Variants in PHF20 observed in about 807,000 individuals in gnomAD.
PHF20 encodes glioma-expressed antigen 2.
PHF20 carries 23 observed loss-of-function variants against 113.5 expected under a neutral mutation model. The ratio of observed to expected loss-of-function variants is 0.20; its 90% CI spans 0.15 to 0.29. PHF20 has a LOEUF of 0.29. Among genes scored for constraint, PHF20 ranks in the 10% least tolerant of loss-of-function variants. The probability of loss-of-function intolerance (pLI) is 1.00; values close to 1 mark genes in which losing one functional copy is unlikely to be tolerated. For missense variants in PHF20, 943 were observed against 1,219.6 expected, an observed-to-expected ratio of 0.77 and a Z score of 3.38; for synonymous variants, 434 against 457.3, an observed-to-expected ratio of 0.95 and a Z score of 0.65.
chr20:35,891,619 TAGAG>T (rs1156471540), intron 9 of PHF20, among the ~76,000 whole-genome samples: 2 of 152,148 alleles, frequency 1.3e-5, no homozygotes, highest in Non-Finnish European at 2.9e-5. Context: ...ACATGCCAAA[TAGAG>T]GGAACCACAT....
intron 4 of PHF20, among the ~76,000 whole-genome samples, chr20:35,857,580 T>G (rs939281540): frequency 2.1e-5 from 3 of 143,636 alleles, no homozygotes; most frequent in South Asian, 2.3e-4. Context: ...TTTTTTTTTT[T>G]TTTTTTGTTT....
intron 2 of PHF20, among the ~76,000 whole-genome samples, chr20:35,831,058 A>T (rs535079383): frequency 3.3e-5 from 5 of 152,266 alleles, no homozygotes; most frequent in African/African-American, 1.2e-4. Flanking sequence ...CCCAGCTACT[A>T]TGTGGGAGTG....
intron 13 of PHF20, 32 bp downstream of exon 13, chr20:35,917,694 G>C: frequency 2.5e-6 from 4 of 1,590,222 alleles, no homozygotes. Flanking sequence ...CAGGTCTAGA[G>C]AAGCACAAAC....
At chr20:35,772,439 G>T (rs1290684764) in intron 1 of PHF20, among the ~76,000 whole-genome samples, 1 of 152,194 alleles carries the variant, frequency 6.6e-6, no homozygotes, top group Non-Finnish European at 1.5e-5. Context: ...AGCTGTGTGG[G>T]CACCTAGAGC....
Position 35,871,768 on chromosome 20 carries a change from C to A in PHF20, c.1221C>A (p.Asn407Lys), listed in dbSNP as rs146739886. ...LELNCPSMGE[N>K]TMKTEPTSPL... ...TGAACTGCCCATCAATGGGAGAAAA[C>A]ACGATGAAAACAGAACCGACTTCTC... is the stretch of plus-strand genomic sequence containing the variant. Residue 407 changes from asparagine (N) to lysine (K), a missense_variant, in exon 9 of 18, where the codon AAC becomes AAA. Asn to Lys is a moderately conservative substitution (Grantham distance 94). Transcript: ENST00000374012. 1 of 1,613,466 alleles carries A rather than the reference C, an allele frequency of 6.2e-7. No homozygotes were observed. Among genetic ancestry groups the A allele is most frequent in the Admixed American group, 1.7e-5 (1 of 59,970 alleles).
intron 1 of PHF20, among the ~76,000 whole-genome samples, chr20:35,801,068 T>G (rs1028399411): frequency 3.9e-5 from 6 of 152,204 alleles, no homozygotes; most frequent in Admixed American, 3.9e-4. Context: ...GCTGGCTAAA[T>G]TTTTGTGTTT....
chr20:35,824,587 C>T (rs1193683452), intron 2 of PHF20, among the ~76,000 whole-genome samples: 1 of 149,930 alleles, frequency 6.7e-6, no homozygotes, highest in Non-Finnish European at 1.5e-5. Context: ...AGCCTGGTGA[C>T]AGAGTGAGAC....
At chr20:35,788,034 T>A (rs1001339900) in intron 1 of PHF20, among the ~76,000 whole-genome samples, 2 of 152,182 alleles carry the variant, frequency 1.3e-5, no homozygotes, top group Admixed American at 1.3e-4. Context: ...TGCCTTGGCC[T>A]CCCAAAGTGC....
chr20:35,839,390 C>CAAAA (rs752680212), intron 2 of PHF20, among the ~76,000 whole-genome samples: 34 of 67,642 alleles, frequency 5.0e-4, no homozygotes, highest in Non-Finnish European at 7.4e-4. Flanking sequence ...GATTCCATCT[C>CAAAA]AAAAAAAAAA....
intron 10 of PHF20, among the ~76,000 whole-genome samples, chr20:35,907,339 A>G (rs1017062494): frequency 3.3e-5 from 5 of 152,172 alleles, no homozygotes; most frequent in African/African-American, 1.2e-4. Context: ...CCTGGAGGAA[A>G]GCCTCACCCT....
At position 35,834,510 on chromosome 20, in the gene PHF20, C is replaced by G. The variant is rs1600802532; in HGVS notation, c.84-8063C>G. 2.6e-5 allele frequency among the ~76,000 whole-genome samples: 4 copies of G among 152,208 alleles called. No individual in the cohort carries two copies. In the East Asian group the frequency reaches 7.7e-4, roughly 29 times the overall value. On this transcript the variant is annotated intron_variant, in intron 2 of 17. Transcript: ENST00000374012. ...GGGTGATCCGCCCGCCTCAGCCTCC[C>G]AAAGTGCTGGGATTACAGGTGTGAG...
chr20:35,929,549 T>C (rs1238832995), intron 14 of PHF20, among the ~76,000 whole-genome samples: 1 of 152,288 alleles, frequency 6.6e-6, no homozygotes, highest in East Asian at 1.9e-4. Flanking sequence ...TGAATCCTGC[T>C]GCTCTAGGCA....
chr20:35,939,318 AT>A (rs2055932661), intron 16 of PHF20, among the ~76,000 whole-genome samples: 1 of 150,928 alleles, frequency 6.6e-6, no homozygotes, highest in Non-Finnish European at 1.5e-5. Context: ...CACCCACAAA[AT>A]GGCATAGTCA....
At chr20:35,858,885 T>C (rs998710959) in intron 5 of PHF20, among the ~76,000 whole-genome samples, 2 of 152,228 alleles carry the variant, frequency 1.3e-5, no homozygotes, top group African/African-American at 2.4e-5. Flanking sequence ...TGTTTCCTTT[T>C]AACAGAGATT....
chr20:35,786,480 G>C (rs2041419010), intron 1 of PHF20, among the ~76,000 whole-genome samples: 1 of 152,156 alleles, frequency 6.6e-6, no homozygotes, highest in Non-Finnish European at 1.5e-5. Flanking sequence ...GAGGCGGGTG[G>C]ATCACAAGGC....
rs1173881486 is a variant in PHF20 at position 35,887,977 on chromosome 20, CTT to C, written c.1283-11376_1283-11375del. On this transcript the variant is annotated intron_variant, in intron 9 of 17. Transcript: ENST00000374012. ...TAAAGAAAACACTGCTTAGGGTTAC[CTT>C]TTTTTTTTTTTTTTTTCTGAGACAG... 5.5e-3 allele frequency among the ~76,000 whole-genome samples: 750 copies of C among 137,242 alleles called. 6 individuals are homozygous for C. Among genetic ancestry groups the C allele is most frequent in the African/African-American group, 0.019 (697 of 37,490 alleles). 90.0% of individuals were successfully genotyped at this position (137,242 alleles called of 152,430 possible). A position where few individuals can be genotyped will look rare whatever the true frequency, so the allele number is the denominator to read the frequency against.
chr20:35,927,153 C>T (rs923438762), intron 13 of PHF20, among the ~76,000 whole-genome samples: 3 of 152,140 alleles, frequency 2.0e-5, no homozygotes, highest in Non-Finnish European at 2.9e-5. Context: ...GGTTTAGCAA[C>T]GAGTCAGGTT....
Position 35,863,417 on chromosome 20 carries a change from G to A in PHF20, c.808+17G>A, listed in dbSNP as rs1325286488. 1.3e-6 allele frequency: 2 copies of A among 1,570,848 alleles called. No homozygotes were observed. Among genetic ancestry groups the A allele is most frequent in the Admixed American group, 4.0e-5 (2 of 49,402 alleles). ...CTCCTACTGGTGAGTTTTTTAAGTG[G>A]GCTCTGCAATGGGCAATGCCAGAGT... On this transcript the variant is annotated intron_variant, in intron 6 of 17. Coordinates refer to ENST00000374012, the MANE Select transcript of PHF20 (RefSeq NM_016436.5).
intron 3 of PHF20, 50 bp downstream of exon 3, chr20:35,842,794 G>T (rs2042556546): frequency 2.0e-6 from 3 of 1,529,958 alleles, no homozygotes; most frequent in South Asian, 1.2e-5. Context: ...CAGCCATTGG[G>T]CTGTTTGTGT....
Sources: allele counts gnomAD v4.1 joint callset (sites outside exome capture counted in the v4.1 genomes callset), GRCh38; gene constraint gnomAD v4.1.1; transcripts MANE v1.5; gene names NCBI Gene and HGNC (gene_info 2026-07-23, HGNC 2026-07-21).